Variants in PM20D2 observed in about 807,000 individuals in gnomAD.
PM20D2 encodes peptidase M20 domain containing 2.
Under a neutral mutation model 42.9 loss-of-function variants are expected in PM20D2, and 33 were observed. The ratio of observed to expected loss-of-function variants is 0.77; its 90% confidence interval spans 0.58 to 1.03. PM20D2 has a LOEUF of 1.03. PM20D2 is among the 50% of genes least tolerant of loss of function. PM20D2 has a pLI of 0.00. For synonymous variants in PM20D2, 250 were observed against 228.2 expected (o/e 1.10, Z -0.86); for missense variants, 548 against 557.0 (o/e 0.98, Z 0.16).
chr6:89,105,469 C>T, the PM20D2 span: 2 of 1,611,638 alleles, frequency 1.2e-6, no homozygotes, highest in Non-Finnish European at 1.7e-6. Context: ...ATCTGACGGC[C>T]ACATACCCAC....
At chr6:89,111,631 CT>C in the PM20D2 span, among the ~76,000 whole-genome samples, 832 of 152,062 alleles carry the variant, frequency 5.5e-3, 5 homozygotes, top group Non-Finnish European at 6.2e-3. Flanking sequence ...TATTTTATAT[CT>C]TTTTTCTTGC....
At chr6:89,107,100 G>A in the PM20D2 span, 304,564 of 1,420,178 alleles carry the variant, frequency 0.21, 36,382 homozygotes, top group Non-Finnish European at 0.25. Flanking sequence ...ATACATATAT[G>A]TATAAGCACG....
the PM20D2 span, among the ~76,000 whole-genome samples, chr6:89,136,651 CTGAG>C: frequency 2.6e-5 from 4 of 151,048 alleles, no homozygotes; most frequent in African/African-American, 9.9e-5. Flanking sequence ...GCACTCCAGC[CTGAG>C]TGACAGAGCT....
chr6:89,108,709 A>T, the PM20D2 span, among the ~76,000 whole-genome samples: 1 of 152,224 alleles, frequency 6.6e-6, no homozygotes, highest in East Asian at 1.9e-4. Flanking sequence ...AGCAACTTTC[A>T]GGTTTAGAAA....
intron 1 of PM20D2, among the ~76,000 whole-genome samples, chr6:89,147,910 C>T (rs1009132870): frequency 2.7e-5 from 4 of 149,856 alleles, no homozygotes; most frequent in African/African-American, 7.4e-5. Flanking sequence ...AAAAGAGCGG[C>T]GGCTTCATGT....
chr6:89,100,967 T>G, the PM20D2 span, among the ~76,000 whole-genome samples: 3 of 152,096 alleles, frequency 2.0e-5, no homozygotes, highest in Non-Finnish European at 4.4e-5. Flanking sequence ...TAGCCTGGCA[T>G]GGTGGTGCAT....
At chr6:89,134,676 G>A in the PM20D2 span, among the ~76,000 whole-genome samples, 1 of 151,044 alleles carries the variant, frequency 6.6e-6, no homozygotes, top group Admixed American at 6.6e-5. Flanking sequence ...AAAATTTGGG[G>A]GCAACTATAT....
At chr6:89,118,111 C>A in the PM20D2 span, 3 of 153,056 alleles carry the variant, frequency 2.0e-5, no homozygotes, top group South Asian at 3.8e-4. Context: ...CCGGCGCGGC[C>A]CAGGGGCCGC....
chr6:89,157,983 G>A (rs1771107713), intron 4 of PM20D2, among the ~76,000 whole-genome samples: 1 of 152,146 alleles, frequency 6.6e-6, no homozygotes, highest in African/African-American at 2.4e-5. Context: ...CTCCAGCCTG[G>A]GCAACAGAGT....
the PM20D2 span, chr6:89,107,373 T>C: frequency 4.1e-6 from 3 of 730,732 alleles, no homozygotes; most frequent in Non-Finnish European, 6.7e-6. Flanking sequence ...ACCAGCATTA[T>C]CTAAAATTGT....
chr6:89,148,791 C>A (rs1414789687), intron 1 of PM20D2, among the ~76,000 whole-genome samples: 1 of 152,140 alleles, frequency 6.6e-6, no homozygotes, highest in Non-Finnish European at 1.5e-5. Context: ...AAAAACACCC[C>A]CTGTAAAATG....
the PM20D2 span, chr6:89,105,260 G>A: frequency 6.2e-7 from 1 of 1,606,206 alleles, no homozygotes. Context: ...TTGGCCTGGT[G>A]CTGGAACATA....
the PM20D2 span, among the ~76,000 whole-genome samples, chr6:89,129,233 T>G: frequency 6.7e-6 from 1 of 150,226 alleles, no homozygotes; most frequent in Non-Finnish European, 1.5e-5. Flanking sequence ...GAATGGGGAG[T>G]AAAGGGGATG....
At chr6:89,114,943 C>T in the PM20D2 span, among the ~76,000 whole-genome samples, 7 of 151,742 alleles carry the variant, frequency 4.6e-5, no homozygotes, top group Non-Finnish European at 5.9e-5. Context: ...ATCACAGGCA[C>T]GCACCACCAT....
the PM20D2 span, among the ~76,000 whole-genome samples, chr6:89,114,986 C>T: frequency 3.3e-5 from 5 of 152,006 alleles, no homozygotes; most frequent in African/African-American, 7.2e-5. Context: ...TTAGTAGAGA[C>T]GGTGTTTTAC....
At chr6:89,100,372 C>T in the PM20D2 span, among the ~76,000 whole-genome samples, 6 of 152,084 alleles carry the variant, frequency 3.9e-5, no homozygotes, top group Non-Finnish European at 5.9e-5. Flanking sequence ...AATTCAAAGC[C>T]AAAACAAGCA....
At chr6:89,151,924 C>CA (rs946585605) in intron 2 of PM20D2, among the ~76,000 whole-genome samples, 22 of 149,316 alleles carry the variant, frequency 1.5e-4, no homozygotes, top group African/African-American at 3.9e-4. Flanking sequence ...CCTGTCTCTA[C>CA]AAAAAAAAAT....
chr6:89,109,030 T>C, the PM20D2 span, among the ~76,000 whole-genome samples: 2 of 152,144 alleles, frequency 1.3e-5, no homozygotes, highest in Non-Finnish European at 2.9e-5. Context: ...ATTAAGCAAA[T>C]ACTTATTGAG....
chr6:89,142,447 C>T (rs1401766259), upstream of PM20D2, among the ~76,000 whole-genome samples: 6 of 152,246 alleles, frequency 3.9e-5, no homozygotes, highest in South Asian at 2.1e-4. Context: ...GTCCTCAAAT[C>T]GTGCAGTGGC....
Sources: allele counts gnomAD v4.1 joint callset (sites outside exome capture counted in the v4.1 genomes callset), GRCh38; gene constraint gnomAD v4.1.1; transcripts MANE v1.5; gene names NCBI Gene and HGNC (gene_info 2026-07-23, HGNC 2026-07-21).